FAN1: variants seen among roughly 807,000 people sequenced by gnomAD.
FAN1 encodes the protein fanconi-associated nuclease 1.
In FAN1, 91 loss-of-function variants were observed where a neutral mutation model predicts 104.9. The ratio of observed to expected loss-of-function variants is 0.87; its 90% CI spans 0.73 to 1.03. The LOEUF is 1.03. Among genes scored for constraint, FAN1 ranks in the 50% least tolerant of loss-of-function variants. FAN1 has a pLI of 0.00. For synonymous variants in FAN1, 478 were observed against 457.6 expected (o/e 1.04, Z -0.57); for missense variants, 1,263 against 1,239.9 (o/e 1.02, Z -0.28).
chr15:30,943,006 C>G lies in FAN1; in HGVS notation c.*1444C>G. 1.3e-6 allele frequency: 2 copies of G among 1,552,280 alleles called. No homozygotes were observed. Among genetic ancestry groups the G allele is most frequent in the Non-Finnish European group, 1.7e-6 (2 of 1,147,160 alleles). Reference sequence around the variant, plus strand: ...TTTGCTGTAAACTGGAGAGACCAGTCCCAAACAGAGGGGAATTTTAAGCCC... The same window carrying G: ...TTTGCTGTAAACTGGAGAGACCAGTGCCAAACAGAGGGGAATTTTAAGCCC... On this transcript the variant is annotated 3_prime_UTR_variant, in exon 15 of 15. Coordinates refer to ENST00000362065, the MANE Select transcript of FAN1 (RefSeq NM_014967.5).
intron 10 of FAN1, chr15:30,928,334 T>C (rs1434138869): frequency 7.7e-7 from 1 of 1,301,716 alleles, no homozygotes; most frequent in African/African-American, 1.5e-5. Context: ...CTATGATTAC[T>C]AAGATTTTTG....
chr15:30,905,613 C>CA lies in FAN1; in HGVS notation c.951dup (p.Asp318ArgfsTer8). Reference sequence around the variant, plus strand: ...GCTTCAGAAGCTAAAATACAGCTGTCAGATTCAGAGGCAAAATCTCATAGT... The same window carrying CA: ...GCTTCAGAAGCTAAAATACAGCTGTCAAGATTCAGAGGCAAAATCTCATAGT... On this transcript the variant is annotated frameshift_variant, in exon 2 of 15. Coordinates refer to ENST00000362065, the MANE Select transcript of FAN1 (RefSeq NM_014967.5). LOFTEE classifies it high-confidence loss of function. 1 of 1,614,028 alleles carries CA rather than the reference C, an allele frequency of 6.2e-7. No homozygotes were observed. The highest frequency in any genetic ancestry group is 8.5e-7 in the Non-Finnish European group (1 of 1,179,946).
intron 14 of FAN1, chr15:30,940,736 C>T (rs1297415920): frequency 2.0e-6 from 2 of 989,538 alleles, no homozygotes; most frequent in East Asian, 2.2e-4. Flanking sequence ...AAGCCTATTT[C>T]AAATATGCAA....
intron 14 of FAN1, among the ~76,000 whole-genome samples, 188 bp downstream of exon 14, chr15:30,937,447 CTTTTTTTTTTTT>C (rs11317050): frequency 1.3e-5 from 1 of 78,978 alleles, no homozygotes; most frequent in African/African-American, 5.1e-5. Context: ...GGGTAATAAA[CTTTTTTTTTTTT>C]TTTTTTTTTT....
intron 13 of FAN1, among the ~76,000 whole-genome samples, chr15:30,932,125 G>A (rs2062727223): frequency 1.3e-5 from 2 of 150,990 alleles, no homozygotes; most frequent in Admixed American, 6.7e-5. Flanking sequence ...GGGAGGCTGA[G>A]GCAGGAGAAT....
At position 30,942,948 on chromosome 15, in the gene FAN1, A is replaced by G. The variant is rs367788723; in HGVS notation, c.*1386A>G. On this transcript the variant is annotated 3_prime_UTR_variant, in exon 15 of 15. Coordinates refer to ENST00000362065, the MANE Select transcript of FAN1 (RefSeq NM_014967.5). ...CTGTATACAAGGTGTGCTCTTTCCA[A>G]TGTAGAAGGGGTTATGGAAAAGGGT... 4.5e-6 allele frequency: 7 copies of G among 1,564,446 alleles called. No homozygotes were observed. Among genetic ancestry groups the G allele is most frequent in the Non-Finnish European group, 6.1e-6 (7 of 1,152,376 alleles).
intron 12 of FAN1, among the ~76,000 whole-genome samples, chr15:30,929,666 TATATAATATATC>T (rs2062577580): frequency 1.4e-5 from 1 of 71,274 alleles, no homozygotes; most frequent in Admixed American, 1.7e-4. Context: ...ATATATGAAA[TATATAATATATC>T]ATATAATATA....
intron 4 of FAN1, 31 bp from the exon 5 acceptor site, chr15:30,913,827 A>G (rs780068911): frequency 7.0e-7 from 1 of 1,437,212 alleles, no homozygotes; most frequent in Non-Finnish European, 9.6e-7. Context: ...TTAAAAAGCT[A>G]AAAGTTATTT....
chr15:30,927,287 G>T, intron 10 of FAN1: 6 of 985,422 alleles, frequency 6.1e-6, no homozygotes, highest in Non-Finnish European at 7.2e-6. Context: ...TCACCAGGAC[G>T]GAACACTGAC....
At chr15:30,923,705 G>A (rs751248832) in intron 8 of FAN1, among the ~76,000 whole-genome samples, 3 of 152,220 alleles carry the variant, frequency 2.0e-5, no homozygotes, top group Non-Finnish European at 4.4e-5. Flanking sequence ...TTCTGCCAGC[G>A]AACAGGGTGC....
chr15:30,925,246 C>T lies in FAN1; in HGVS notation c.2292C>T (p.His764=), dbSNP rs1480063055. ...CTCCGAGCTGTAAAAAGTTCAAGCA[C>T]CTCTTCCAGCAGCTCCCAGAAATGG... ...RESPSCKKFK[H]LFQQLPEMAV... The change falls in exon 9 of 15, where the codon CAC becomes CAT. Residue 764 remains histidine (H), a synonymous_variant. Coordinates refer to ENST00000362065, the MANE Select transcript of FAN1 (RefSeq NM_014967.5). 2 of 1,614,148 alleles carry T rather than the reference C, an allele frequency of 1.2e-6. No homozygotes were observed. Among genetic ancestry groups the T allele is most frequent in the East Asian group, 2.2e-5 (1 of 44,890 alleles).
At position 30,930,240 on chromosome 15, in the gene FAN1, A is replaced by G. The variant is rs187961776; in HGVS notation, c.2788-303A>G. Among the ~76,000 whole-genome samples the G allele has an allele frequency of 7.7e-4, 117 of 151,780 alleles. 1 individual carries two copies. The East Asian group carries it at 0.017, about 22-fold the overall frequency. On this transcript the variant is annotated intron_variant, in intron 12 of 14. Coordinates refer to ENST00000362065, the MANE Select transcript of FAN1 (RefSeq NM_014967.5). ...TTCAACTGCTGCCCTCTATGAGGCC[A>G]TGCTGTCGCGTTCCTGAGTGCATCC...
chr15:30,930,929 C>G (rs1271120434), intron 13 of FAN1, among the ~76,000 whole-genome samples: 2 of 152,144 alleles, frequency 1.3e-5, no homozygotes, highest in African/African-American at 4.8e-5. Context: ...TCCATCACTC[C>G]TGCTGTATTC....
chr15:30,939,452 C>A, intron 14 of FAN1: 1 of 985,432 alleles, frequency 1.0e-6, no homozygotes. Flanking sequence ...CCTGGCCCGA[C>A]TGAAGGCTGT....
intron 13 of FAN1, among the ~76,000 whole-genome samples, chr15:30,931,247 G>A (rs758912249): frequency 6.6e-5 from 10 of 152,062 alleles, no homozygotes; most frequent in African/African-American, 4.8e-5. Flanking sequence ...TTCCTTGAAC[G>A]CTGTCCACTA....
intron 11 of FAN1, 46 bp from the exon 12 acceptor site, chr15:30,929,157 G>A (rs1466164773): frequency 1.3e-6 from 2 of 1,566,220 alleles, no homozygotes; most frequent in Admixed American, 1.8e-5. Context: ...GGTGAACACG[G>A]CTCTCTGCAG....
chr15:30,904,350 A>G (rs1401403394), intron 1 of FAN1, among the ~76,000 whole-genome samples, 162 bp from the exon 2 acceptor site: 1 of 152,148 alleles, frequency 6.6e-6, no homozygotes, highest in Non-Finnish European at 1.5e-5. Context: ...AAGGGACACT[A>G]AGATCGCGTA....
chr15:30,918,178 C>T lies in FAN1; in HGVS notation c.1826C>T (p.Thr609Met), dbSNP rs967295940. ...RDDLIRYAAA[T>M]HMLSDISSAM... ...TTTTCCTCCAGATATGCAGCAGCCA[C>T]GCACATGCTGAGTGACATTTCTTCC... Residue 609 changes from threonine (T) to methionine (M), a missense_variant, in exon 6 of 15, where the codon ACG becomes ATG. Physicochemically the swap from Thr to Met is moderately conservative, Grantham distance 81 (BLOSUM62 -1). Coordinates refer to ENST00000362065, the MANE Select transcript of FAN1 (RefSeq NM_014967.5). 2.0e-5 allele frequency: 33 copies of T among 1,613,820 alleles called. No individual in the cohort carries two copies. Among genetic ancestry groups the T allele is most frequent in the African/African-American group, 6.7e-5 (5 of 74,868 alleles).
chr15:30,918,844 T>A (rs1026824681), intron 6 of FAN1, among the ~76,000 whole-genome samples: 1 of 152,276 alleles, frequency 6.6e-6, no homozygotes, highest in Admixed American at 6.5e-5. Context: ...GATGCCACTT[T>A]GAAAAAATCA....
Sources: gnomAD v4.1 joint callset for allele counts (sites outside exome capture counted in the v4.1 genomes callset) on GRCh38, gnomAD v4.1.1 for gene constraint, MANE v1.5 for transcripts, NCBI Gene and HGNC (gene_info 2026-07-23, HGNC 2026-07-21) for gene names.